Variants in MKRN2OS observed in about 807,000 individuals in gnomAD.
MKRN2OS encodes the protein MKRN2 opposite strand.
Under a neutral mutation model 18.2 loss-of-function variants are expected in MKRN2OS, and 17 were observed. The ratio of observed to expected loss-of-function variants is 0.93; its 90% confidence interval spans 0.64 to 1.40. The LOEUF is 1.40. Among genes scored for constraint, MKRN2OS ranks in the 40% most tolerant of loss-of-function variants. The pLI is 0.00. For synonymous variants in MKRN2OS, 121 were observed against 108.5 expected, an observed-to-expected ratio of 1.12 and a Z score of -0.72; for missense variants, 337 against 283.0, an observed-to-expected ratio of 1.19 and a Z score of -1.37.
intron 1 of MKRN2OS, 102 bp downstream of exon 1, chr3:12,545,145 A>T: frequency 1.0e-6 from 1 of 970,024 alleles, no homozygotes; most frequent in Non-Finnish European, 1.5e-6. Context: ...AAAATTGTCC[A>T]CCAAACCTCA....
chr3:12,557,103 C>G, intron 1 of MKRN2OS: 1 of 1,488,350 alleles, frequency 6.7e-7, no homozygotes. Context: ...GAGGCGGCAG[C>G]GGCTGCGAGA....
chr3:12,558,405 C>T lies in MKRN2OS; in HGVS notation n.264+2352G>A, dbSNP rs190750316. ...GTTTCTCCTGCTGGAGGAAGTATTC[C>T]TAGGTCATTGTGCACTGTAAAGCAG... On this transcript the variant is annotated intron_variant and non_coding_transcript_variant, in intron 1 of 1. Transcript: ENST00000447550. Among the ~76,000 whole-genome samples the T allele has an allele frequency of 2.0e-5, 3 of 152,104 alleles. No individual in the cohort carries two copies. In the East Asian group the frequency reaches 5.8e-4, roughly 29 times the overall value.
chr3:12,547,888 CACAG>C (rs1314751537), upstream of MKRN2OS, among the ~76,000 whole-genome samples: 6 of 152,310 alleles, frequency 3.9e-5, no homozygotes, highest in African/African-American at 1.4e-4. Context: ...TCATCAGACT[CACAG>C]AACTAGAAAG....
chr3:12,539,985 A>C lies in MKRN2OS; in HGVS notation c.*208T>G. 1.7e-6 allele frequency: 1 copy of C among 604,054 alleles called. No homozygotes were observed. The highest frequency in any genetic ancestry group is 2.8e-6 in the Non-Finnish European group (1 of 351,762). 37.4% of individuals were successfully genotyped at this position (604,054 alleles called of 1,614,324 possible). ...TTTTTAGTAAGGACGGGGTTTCTCC[A>C]TGTTGGTCAGGCTGGTCTCAAACTC... On this transcript the variant is annotated 3_prime_UTR_variant, in exon 4 of 4. Transcript: ENST00000564146.
At chr3:12,548,939 A>C (rs946070431), upstream of MKRN2OS, among the ~76,000 whole-genome samples, 1 of 151,780 alleles carries the variant, frequency 6.6e-6, no homozygotes, top group African/African-American at 2.4e-5. Flanking sequence ...TTTATTTTTT[A>C]TTTTATTTTA....
intron 1 of MKRN2OS, among the ~76,000 whole-genome samples, chr3:12,556,732 C>T (rs2057974444): frequency 6.6e-6 from 1 of 152,040 alleles, no homozygotes; most frequent in Non-Finnish European, 1.5e-5. Context: ...TAGGGGCATC[C>T]GGGATTAAGA....
At chr3:12,557,115 G>C (rs1012768365) in intron 1 of MKRN2OS, 3 of 1,493,312 alleles carry the variant, frequency 2.0e-6, no homozygotes, top group Non-Finnish European at 2.7e-6. Context: ...GCTGCGAGAG[G>C]CGGCGGCACG....
chr3:12,551,950 G>GA (rs976725001), downstream of MKRN2OS, among the ~76,000 whole-genome samples: 9 of 149,712 alleles, frequency 6.0e-5, no homozygotes, highest in East Asian at 2.0e-4. Flanking sequence ...TCAGAAAAAA[G>GA]AAAAAAAAAT....
At chr3:12,550,277 C>A (rs138934918), upstream of MKRN2OS, among the ~76,000 whole-genome samples, 3 of 152,234 alleles carry the variant, frequency 2.0e-5, no homozygotes, top group East Asian at 5.8e-4. Context: ...AGATACCAAG[C>A]CATGAAAGAC....
rs907668695 is a variant in MKRN2OS at position 12,540,245 on chromosome 3, G to C, written c.620C>G (p.Thr207Ser). The change falls in exon 4 of 4, where the codon ACT becomes AGT. Residue 207 changes from threonine to serine, a missense_variant. Transcript: ENST00000564146. ...RAIREHGFYV[T>S]DCPQQQAQPP... Reference sequence around the variant, plus strand: ...TTGTGCCTGCTGCTGGGGACAGTCAGTGACGTAGAAGCCATGCTCCCGTAT... The same window carrying C: ...TTGTGCCTGCTGCTGGGGACAGTCACTGACGTAGAAGCCATGCTCCCGTAT... 5.2e-6 allele frequency: 8 copies of C among 1,536,046 alleles called. No homozygotes were observed. In the African/African-American group the frequency reaches 1.1e-4, roughly 21 times the overall value.
intron 1 of MKRN2OS, among the ~76,000 whole-genome samples, chr3:12,556,792 G>A (rs186105842): frequency 6.6e-6 from 1 of 152,138 alleles, no homozygotes; most frequent in African/African-American, 2.4e-5. Context: ...GAAGGAGGCG[G>A]GAGATCCCTA....
chr3:12,542,090 A>C, intron 2 of MKRN2OS, 68 bp from the exon 3 acceptor site: 1 of 1,430,568 alleles, frequency 7.0e-7, no homozygotes, highest in Non-Finnish European at 9.3e-7. Context: ...AAGAGACATC[A>C]GAAAATGACA....
downstream of MKRN2OS, among the ~76,000 whole-genome samples, chr3:12,552,156 A>G (rs974692792): frequency 7.9e-5 from 12 of 151,802 alleles, no homozygotes; most frequent in Non-Finnish European, 1.5e-5. Flanking sequence ...TGTCTCTACT[A>G]AAAATACAAA....
intron 1 of MKRN2OS, among the ~76,000 whole-genome samples, chr3:12,544,991 C>T (rs1466615311): frequency 1.3e-5 from 2 of 152,210 alleles, no homozygotes; most frequent in Non-Finnish European, 2.9e-5. Context: ...ACATATTTTT[C>T]TCTCTGAAAA....
Position 12,541,819 on chromosome 3 carries a change from A to G in MKRN2OS, c.431+41T>C, listed in dbSNP as rs544296100. 9.5e-5 allele frequency: 145 copies of G among 1,523,990 alleles called. No individual in the cohort carries two copies. In the South Asian group the frequency reaches 1.3e-3, roughly 13 times the overall value. 94.4% of individuals were successfully genotyped at this position (1,523,990 alleles called of 1,614,324 possible). A position where few individuals can be genotyped will look rare whatever the true frequency, so the allele number is the denominator to read the frequency against. On this transcript the variant is annotated intron_variant, in intron 3 of 3. Coordinates refer to ENST00000564146, the MANE Select transcript of MKRN2OS (RefSeq NM_001195279.2). ...TACACGGGGATCCCACTTGCATAGCATGTGAGTGTCAGCGAGGGGGCAGCA... is the reference window on the plus strand; with the variant it reads ...TACACGGGGATCCCACTTGCATAGCGTGTGAGTGTCAGCGAGGGGGCAGCA...
chr3:12,547,506 T>C (rs943816671), upstream of MKRN2OS, among the ~76,000 whole-genome samples: 2 of 152,036 alleles, frequency 1.3e-5, no homozygotes, highest in Non-Finnish European at 2.9e-5. Flanking sequence ...ATCACACCAC[T>C]GTACCCAGCT....
At chr3:12,560,113 T>C (rs2058024069) in intron 1 of MKRN2OS, among the ~76,000 whole-genome samples, 1 of 152,162 alleles carries the variant, frequency 6.6e-6, no homozygotes, top group African/African-American at 2.4e-5. Flanking sequence ...TGTTTAAAAA[T>C]TAAATAATAG....
At position 12,540,030 on chromosome 3, in the gene MKRN2OS, C is replaced by T. The variant is rs2057771172; in HGVS notation, c.*163G>A. The T allele has an allele frequency of 1.0e-6, 1 of 999,226 alleles. No individual in the cohort carries two copies. Among genetic ancestry groups the T allele is most frequent in the Non-Finnish European group, 1.4e-6 (1 of 695,498 alleles). The allele number at this position is 999,226 out of a possible 1,614,324, so 61.9% of individuals were successfully genotyped here. The stretch of plus-strand genomic sequence containing the variant: ...AAACTCCCAACCTCAGGTGACCTAC[C>T]TGTCTTAGCTTCCCAAAGTGCTGGG... On this transcript the variant is annotated 3_prime_UTR_variant, in exon 4 of 4. Transcript: ENST00000564146.
rs1575512277 is a variant in MKRN2OS, at chr3:12,557,059, G to A, written n.265-2925C>T. The A allele has an allele frequency of 4.5e-6, 6 of 1,319,306 alleles. No individual in the cohort carries two copies. The East Asian group carries it at 9.3e-5, about 20-fold the overall frequency. The allele number at this position is 1,319,306 out of a possible 1,614,324, so 81.7% of individuals were successfully genotyped here. On this transcript the variant is annotated intron_variant and non_coding_transcript_variant, in intron 1 of 1. Transcript: ENST00000447550. ...CGCCGGCGTGCGCCGGCGTGACGCG[G>A]CTACGCGGGATGGGCCGGGCCAGGG...
Sources: gnomAD v4.1 joint callset for allele counts (sites outside exome capture counted in the v4.1 genomes callset) on GRCh38, gnomAD v4.1.1 for gene constraint, MANE v1.5 for transcripts, NCBI Gene and HGNC (gene_info 2026-07-23, HGNC 2026-07-21) for gene names.